NEK3: variants seen among roughly 807,000 people sequenced by gnomAD.
NEK3 encodes NIMA related kinase 3.
Under a neutral mutation model 66.0 loss-of-function variants are expected in NEK3, and 54 were observed. The observed-to-expected ratio is 0.82, with a 90% CI of 0.66 to 1.03. The LOEUF (loss-of-function observed/expected upper bound fraction) is 1.03, where lower values mean the gene tolerates loss of function less well. Ranked by LOEUF, NEK3 falls within the 50% of genes least tolerant of loss-of-function variation. The pLI, the probability that NEK3 is intolerant of heterozygous loss-of-function variation, is 0.00. For missense variants in NEK3, 593 were observed against 603.0 expected, an observed-to-expected ratio of 0.98 and a Z score of 0.17; for synonymous variants, 200 against 206.2, an observed-to-expected ratio of 0.97 and a Z score of 0.26.
At chr13:52,146,654 C>A (rs1566857161) in intron 8 of NEK3, among the ~76,000 whole-genome samples, 1 of 152,166 alleles carries the variant, frequency 6.6e-6, no homozygotes, top group Non-Finnish European at 1.5e-5. Flanking sequence ...ATTGTAATCA[C>A]CTGTTTTAAA....
At chr13:52,158,089 C>T (rs1465042528) in intron 1 of NEK3, among the ~76,000 whole-genome samples, 3 of 152,196 alleles carry the variant, frequency 2.0e-5, no homozygotes, top group African/African-American at 7.2e-5. Context: ...GTTGGTCAGG[C>T]TGGGCTCGAA....
rs752566479 is a variant in NEK3, at chr13:52,143,921, T to G, written c.871A>C (p.Lys291Gln). 2.1e-6 allele frequency: 3 copies of G among 1,458,638 alleles called. No individual in the cohort carries two copies. Among genetic ancestry groups the G allele is most frequent in the Non-Finnish European group, 2.8e-6 (3 of 1,069,594 alleles). The allele number at this position is 1,458,638 out of a possible 1,614,324, so 90.4% of individuals were successfully genotyped here. Residue 291 changes from lysine to glutamine, a missense_variant, in exon 10 of 16, where the codon AAA (lysine) becomes CAA (glutamine). Transcript: ENST00000610828. ...IKNSKHNTPRKKTNPSRIRIA... is the reference protein window; with the variant it reads ...IKNSKHNTPRQKTNPSRIRIA... ...ACTCTGTCAAAATTCTTACTTTTTTTTCTTGGTGTGTTATGCTTCGAATTT... is the reference window on the plus strand; with the variant it reads ...ACTCTGTCAAAATTCTTACTTTTTTGTCTTGGTGTGTTATGCTTCGAATTT...
At chr13:52,145,159 G>A (rs1379775142) in intron 8 of NEK3, among the ~76,000 whole-genome samples, 1 of 152,034 alleles carries the variant, frequency 6.6e-6, no homozygotes, top group Non-Finnish European at 1.5e-5. Flanking sequence ...GTTTTTTGCA[G>A]ATATACATTA....
chr13:52,155,547 ACT>A (rs922841073), intron 2 of NEK3, among the ~76,000 whole-genome samples: 20 of 152,260 alleles, frequency 1.3e-4, no homozygotes, highest in African/African-American at 4.6e-4. Flanking sequence ...CAAAACTTTT[ACT>A]GTTTTTCTCC....
At chr13:52,145,174 T>TATA (rs1956284103) in intron 8 of NEK3, among the ~76,000 whole-genome samples, 1 of 152,212 alleles carries the variant, frequency 6.6e-6, no homozygotes. Context: ...ACATTATTAA[T>TATA]ATATATTGAA....
chr13:52,140,807 T>G (rs985510393), intron 11 of NEK3, among the ~76,000 whole-genome samples: 3 of 151,794 alleles, frequency 2.0e-5, no homozygotes, highest in African/African-American at 7.3e-5. Flanking sequence ...GAGGTAGATA[T>G]TTCATAAACG....
chr13:52,152,654 A>G lies in NEK3; in HGVS notation c.348T>C (p.Asn116=), dbSNP rs774825187. Residue 116 remains asparagine, a synonymous_variant, in exon 5 of 16, where the codon AAT becomes AAC. Transcript: ENST00000610828. ...GTAGCACACGTTTCTTGTGAATGTG[A>G]TTTACTCCAAGGCACATTTGGGTAA... ...NWFTQMCLGV[N]HIHKKRVLHR... is the part of the protein sequence containing the mutation. The G allele has an allele frequency of 3.2e-5, 52 of 1,611,228 alleles. No individual in the cohort carries two copies. The highest frequency in any genetic ancestry group is 2.5e-6 in the Non-Finnish European group (3 of 1,178,776).
At chr13:52,147,931 G>A (rs1326806844) in intron 8 of NEK3, among the ~76,000 whole-genome samples, 1 of 152,184 alleles carries the variant, frequency 6.6e-6, no homozygotes, top group Admixed American at 6.6e-5. Context: ...AGGAGGCGGA[G>A]GTTGCAGTGA....
rs1956178630 is a variant in NEK3, at chr13:52,133,793, G to A, written c.1332C>T (p.Gly444=). 6.3e-7 allele frequency: 1 copy of A among 1,599,104 alleles called. No homozygotes were observed. Among genetic ancestry groups the A allele is most frequent in the Non-Finnish European group, 8.5e-7 (1 of 1,172,264 alleles). Residue 444 remains glycine (G), a synonymous_variant, in exon 15 of 16, where the codon GGC becomes GGT. Coordinates refer to ENST00000610828, the MANE Select transcript of NEK3 (RefSeq NM_002498.3). ...ATGCTTCTGTTTCTTCAGACAGGGG[G>A]CCTTTCAAGAACCCTTCTGAACCTT... The part of the protein sequence containing the change: ...YRPGSEGFLK[G]PLSEETEASD...
At chr13:52,158,389 C>T (rs1214800476) in intron 1 of NEK3, among the ~76,000 whole-genome samples, 1 of 152,172 alleles carries the variant, frequency 6.6e-6, no homozygotes, top group African/African-American at 2.4e-5. Flanking sequence ...CAATGTTTTT[C>T]CAAGATCGAT....
At chr13:52,140,308 A>G (rs1266244545) in intron 11 of NEK3, among the ~76,000 whole-genome samples, 1 of 150,956 alleles carries the variant, frequency 6.6e-6, no homozygotes, top group Non-Finnish European at 1.5e-5. Context: ...AACCACTATC[A>G]TCAATAATCA....
intron 13 of NEK3, 100 bp from the exon 14 acceptor site, chr13:52,135,963 G>T (rs1264777309): frequency 1.3e-6 from 2 of 1,502,506 alleles, no homozygotes; most frequent in Non-Finnish European, 1.8e-6. Context: ...ATATTTGACT[G>T]TTAACTAAAA....
At position 52,154,177 on chromosome 13, in the gene NEK3, G is replaced by T. The variant is rs753425729; in HGVS notation, c.118-4C>A. ...AATTCTGTGTATTAGAGAAAGACTA[G>T]AAAAACATTTTAAATAAGCATAAAC... On this transcript the variant is annotated splice_polypyrimidine_tract_variant and splice_region_variant and intron_variant, in intron 2 of 15. Transcript: ENST00000610828. 2 of 1,565,180 alleles carry T rather than the reference G, an allele frequency of 1.3e-6. No individual in the cohort carries two copies. Among genetic ancestry groups the T allele is most frequent in the South Asian group, 1.2e-5 (1 of 86,022 alleles).
chr13:52,134,641 A>G (rs535188379), intron 14 of NEK3, among the ~76,000 whole-genome samples: 8 of 152,368 alleles, frequency 5.3e-5, no homozygotes, highest in Non-Finnish European at 1.0e-4. Flanking sequence ...AAATAGCACT[A>G]TGACATATTT....
At chr13:52,146,849 T>C (rs1956299263) in intron 8 of NEK3, among the ~76,000 whole-genome samples, 6 of 152,228 alleles carry the variant, frequency 3.9e-5, no homozygotes, top group Admixed American at 3.9e-4. Flanking sequence ...TACTTTCATC[T>C]GGTAGTGGTG....
chr13:52,156,109 T>C lies in NEK3; in HGVS notation c.83A>G (p.Gln28Arg), dbSNP rs1956393245. ...CCTTATTTCTTTCATGGCAAACATC[T>C]GATTACTGCTTTCATGCTGAACCAA... ...ALLVQHESSN[Q>R]MFAMKEIRLP... is the part of the protein sequence containing the mutation. Residue 28 changes from glutamine (Q) to arginine (R), a missense_variant, in exon 2 of 16, where the codon CAG (glutamine) becomes CGG (arginine). Transcript: ENST00000610828. 6.2e-6 allele frequency: 10 copies of C among 1,607,182 alleles called. No individual in the cohort carries two copies. The highest frequency in any genetic ancestry group is 8.5e-6 in the Non-Finnish European group (10 of 1,176,546).
intron 2 of NEK3, among the ~76,000 whole-genome samples, chr13:52,155,599 A>G (rs111893898): frequency 0.037 from 5,635 of 152,340 alleles, 123 homozygotes; most frequent in South Asian, 0.065. Flanking sequence ...CATATAATGT[A>G]TCGAGCCCTT....
chr13:52,158,859 T>C (rs1339145059), intron 1 of NEK3, among the ~76,000 whole-genome samples: 1 of 152,236 alleles, frequency 6.6e-6, no homozygotes, highest in African/African-American at 2.4e-5. Flanking sequence ...GACTCCATCT[T>C]GCTTCTAACC....
rs1360707983 is a variant in NEK3 at position 52,151,173 on chromosome 13, C to T, written c.521G>A (p.Trp174Ter). The change falls in exon 7 of 16, where the codon TGG becomes TAG. Residue 174 changes from tryptophan (W) to a stop codon, truncating the protein, a stop_gained. Coordinates refer to ENST00000610828, the MANE Select transcript of NEK3 (RefSeq NM_002498.3). LOFTEE classifies it high-confidence loss of function. ...GTPYYVPPEIWENLPYNNKSD... is the reference protein window; with the variant it reads ...GTPYYVPPEI Reference sequence around the variant, plus strand: ...TTTATTGTTATAAGGCAGGTTTTCCCAAATTTCTGGAGGCACATAATAAGG... The same window carrying T: ...TTTATTGTTATAAGGCAGGTTTTCCTAAATTTCTGGAGGCACATAATAAGG... 7 of 1,609,628 alleles carry T rather than the reference C, an allele frequency of 4.3e-6. No homozygotes were observed. The Admixed American group carries it at 6.7e-5, about 15-fold the overall frequency.
Sources: gnomAD v4.1 joint callset for allele counts (sites outside exome capture counted in the v4.1 genomes callset) on GRCh38, gnomAD v4.1.1 for gene constraint, MANE v1.5 for transcripts, NCBI Gene and HGNC (gene_info 2026-07-23, HGNC 2026-07-21) for gene names.